Variants in LY9 observed in about 807,000 individuals in gnomAD.
The protein encoded by LY9 is lymphocyte antigen 9, also known as T-lymphocyte surface antigen Ly-9.
In LY9, 59 loss-of-function variants were observed where a neutral mutation model predicts 64.6. That is an observed-to-expected ratio of 0.91 (90% CI 0.74 to 1.13). The LOEUF is 1.13. Among genes scored for constraint, LY9 ranks in the 50% most tolerant of loss-of-function variants. The pLI is 0.00. For synonymous variants in LY9, 281 were observed against 308.5 expected (o/e 0.91, Z 0.93); for missense variants, 789 against 797.2 (o/e 0.99, Z 0.12).
Position 160,799,772 on chromosome 1 carries a change from G to C in LY9, c.144G>C (p.Lys48Asn). ...FLLMGLRASG[K>N]DSAPTVVSGI... ...CTGCAGGACTAAGAGCCTCTGGAAA[G>C]GACTCAGCCCCAACAGTGGTGTCAG... is the stretch of plus-strand genomic sequence containing the variant. Residue 48 changes from lysine to asparagine, a missense_variant, in exon 2 of 10, where the codon AAG becomes AAC. By Grantham distance (94) the Lys-to-Asn change is moderately conservative (BLOSUM62 0). Coordinates refer to ENST00000263285, the MANE Select transcript of LY9 (RefSeq NM_002348.4). 1 of 1,613,176 alleles carries C rather than the reference G, an allele frequency of 6.2e-7. No individual in the cohort carries two copies. Among genetic ancestry groups the C allele is most frequent in the East Asian group, 2.2e-5 (1 of 44,874 alleles).
rs202197584 is a variant in LY9 at position 160,813,806 on chromosome 1, G to A, written c.625G>A (p.Val209Ile). ...GTCCAATGGAGGCTCCATTCTTACC[G>A]TCTCCCGAACACCATGTGACCCAGA... is the stretch of plus-strand genomic sequence containing the variant. The part of the protein sequence containing the change: ...SESNGGSILT[V>I]SRTPCDPDLP... The change falls in exon 3 of 10, where the codon GTC becomes ATC. Residue 209 changes from valine (V) to isoleucine (I), a missense_variant. Physicochemically the swap from Val to Ile is conservative, Grantham distance 29 (BLOSUM62 3). Coordinates refer to ENST00000263285, the MANE Select transcript of LY9 (RefSeq NM_002348.4). 5.2e-5 allele frequency: 84 copies of A among 1,614,100 alleles called. No homozygotes were observed. Among genetic ancestry groups the A allele is most frequent in the East Asian group, 1.8e-4 (8 of 44,886 alleles).
At chr1:160,821,319 T>C (rs1668430909) in intron 7 of LY9, among the ~76,000 whole-genome samples, 2 of 152,194 alleles carry the variant, frequency 1.3e-5, no homozygotes, top group African/African-American at 2.4e-5. Flanking sequence ...GCAGGTTTCA[T>C]ACATATTTGT....
chr1:160,821,366 C>T (rs1241538691), intron 7 of LY9, among the ~76,000 whole-genome samples: 1 of 152,054 alleles, frequency 6.6e-6, no homozygotes, highest in East Asian at 1.9e-4. Context: ...CATATGGGAG[C>T]AATCTATAAC....
At position 160,818,242 on chromosome 1, in the gene LY9, G is replaced by A. The variant is rs777735368; in HGVS notation, c.1367G>A (p.Trp456Ter). ...GGACCTGAGAGAAACACAAAGCTTTGGATTGGGTTGTTCCTGATGGTTTGC... is the reference window on the plus strand; with the variant it reads ...GGACCTGAGAGAAACACAAAGCTTTAGATTGGGTTGTTCCTGATGGTTTGC... ...CSGPERNTKL[W>*]IGLFLMVCLL... Residue 456 changes from tryptophan (W) to a stop codon, truncating the protein, a stop_gained, in exon 6 of 10, where the codon TGG becomes TAG. Transcript: ENST00000263285. LOFTEE classifies it high-confidence loss of function. 3.7e-6 allele frequency: 6 copies of A among 1,613,690 alleles called. No homozygotes were observed. Among genetic ancestry groups the A allele is most frequent in the Non-Finnish European group, 5.1e-6 (6 of 1,179,820 alleles).
intron 7 of LY9, among the ~76,000 whole-genome samples, chr1:160,822,819 G>C (rs188445328): frequency 6.6e-6 from 1 of 152,144 alleles, no homozygotes; most frequent in Non-Finnish European, 1.5e-5. Context: ...ATTGCCTAAG[G>C]CCTGACCATT....
chr1:160,798,443 A>G (rs1413583620), intron 1 of LY9, among the ~76,000 whole-genome samples: 2 of 152,244 alleles, frequency 1.3e-5, no homozygotes, highest in African/African-American at 4.8e-5. Flanking sequence ...GATAATTTAC[A>G]TAAAGTACCT....
intron 9 of LY9, among the ~76,000 whole-genome samples, chr1:160,827,060 C>T (rs1338594184): frequency 6.6e-6 from 1 of 152,214 alleles, no homozygotes; most frequent in Non-Finnish European, 1.5e-5. Flanking sequence ...AAACTCTTGA[C>T]AACTATATCT....
intron 3 of LY9, among the ~76,000 whole-genome samples, chr1:160,814,125 G>A (rs993545962): frequency 1.3e-5 from 2 of 152,222 alleles, no homozygotes; most frequent in African/African-American, 4.8e-5. Context: ...TTAGAGCAAG[G>A]GAGGAGAAGA....
chr1:160,822,310 G>T (rs1249396575), intron 7 of LY9, among the ~76,000 whole-genome samples: 1 of 152,138 alleles, frequency 6.6e-6, no homozygotes, highest in Admixed American at 6.5e-5. Context: ...GGCGGTGTCT[G>T]ATTTACCTAG....
At position 160,814,500 on chromosome 1, in the gene LY9, C is replaced by T. The variant is rs932846797; in HGVS notation, c.811C>T (p.Leu271Phe). The change falls in exon 4 of 10, where the codon CTC becomes TTC. Residue 271 changes from leucine (L) to phenylalanine (F), a missense_variant. Physicochemically the swap from Leu to Phe is conservative, Grantham distance 22 (BLOSUM62 0). Coordinates refer to ENST00000263285, the MANE Select transcript of LY9 (RefSeq NM_002348.4). ...AGAGCCAGTCACCCTGCCACTTGCA[C>T]TCCCAGCCTGCCGGGACACAGAGAA... ...LGEPVTLPLALPACRDTEKVV... is the reference protein window; with the variant it reads ...LGEPVTLPLAFPACRDTEKVV... 2 of 1,614,146 alleles carry T rather than the reference C, an allele frequency of 1.2e-6. No individual in the cohort carries two copies. Among genetic ancestry groups the T allele is most frequent in the African/African-American group, 2.7e-5 (2 of 75,018 alleles).
chr1:160,811,426 A>G (rs1338065358), intron 2 of LY9: 1 of 152,218 alleles, frequency 6.6e-6, no homozygotes, highest in East Asian at 1.9e-4. Flanking sequence ...GTTTTTCGCA[A>G]TATGAATAGG....
intron 8 of LY9, 82 bp downstream of exon 8, chr1:160,823,878 A>ACTGGGGG (rs2101836414): frequency 8.5e-7 from 1 of 1,173,180 alleles, no homozygotes; most frequent in Admixed American, 1.8e-5. Flanking sequence ...GTTCCTCCAA[A>ACTGGGGG]CTGGGGGCTG....
Position 160,813,552 on chromosome 1 carries a change from C to G in LY9, c.455-84C>G, listed in dbSNP as rs868653346. The G allele has an allele frequency of 6.4e-6, 9 of 1,400,274 alleles. No individual in the cohort carries two copies. In the Middle Eastern group the frequency reaches 1.3e-3, roughly 202 times the overall value. The allele number at this position is 1,400,274 out of a possible 1,614,324, so 86.7% of individuals were successfully genotyped here. A position where few individuals can be genotyped will look rare whatever the true frequency, so the allele number is the denominator to read the frequency against. On this transcript the variant is annotated intron_variant, in intron 2 of 9. Transcript: ENST00000263285. ...TGGCCTCTCTCTGCTGCCCCCAACT[C>G]CCCTATTGTCACTCCCTTCTTCTCT...
At chr1:160,797,862 TAC>T (rs57306367) in intron 1 of LY9, among the ~76,000 whole-genome samples, 34,553 of 150,532 alleles carry the variant, frequency 0.23, 4,113 homozygotes, top group Admixed American at 0.34. Context: ...AGATGATCTA[TAC>T]ACACACACAC....
intron 7 of LY9, among the ~76,000 whole-genome samples, chr1:160,821,131 C>CA (rs1485802180): frequency 5.5e-5 from 3 of 54,118 alleles, no homozygotes; most frequent in Admixed American, 2.7e-4. Flanking sequence ...CCAACCTGGG[C>CA]AAAAAAAGTG....
At chr1:160,818,410 A>C (rs1571040137) in intron 6 of LY9, 91 bp downstream of exon 6, 3 of 889,536 alleles carry the variant, frequency 3.4e-6, no homozygotes, top group East Asian at 2.5e-5. Flanking sequence ...ATCCCGTGCT[A>C]CCCCTCCCTG....
At chr1:160,820,311 C>T (rs186657692) in intron 7 of LY9, among the ~76,000 whole-genome samples, 1 of 152,148 alleles carries the variant, frequency 6.6e-6, no homozygotes, top group African/African-American at 2.4e-5. Flanking sequence ...TTTACTCCCC[C>T]ACTCCCATGC....
intron 2 of LY9, among the ~76,000 whole-genome samples, chr1:160,809,250 G>C (rs960761942): frequency 2.0e-5 from 3 of 151,208 alleles, no homozygotes; most frequent in African/African-American, 7.3e-5. Flanking sequence ...CAATTCCTGG[G>C]CTCAAGTGAT....
chr1:160,800,933 GTA>G (rs912283369), intron 2 of LY9, among the ~76,000 whole-genome samples: 19 of 152,290 alleles, frequency 1.2e-4, no homozygotes, highest in African/African-American at 4.6e-4. Context: ...GTATGTATGT[GTA>G]TACTGCATTT....
Sources: gnomAD v4.1 joint callset for allele counts (sites outside exome capture counted in the v4.1 genomes callset) on GRCh38, gnomAD v4.1.1 for gene constraint, MANE v1.5 for transcripts, NCBI Gene and HGNC (gene_info 2026-07-23, HGNC 2026-07-21) for gene names.